DNM3: variants seen among roughly 807,000 people sequenced by gnomAD.
The protein encoded by DNM3 is dynamin 3, also known as dynamin-3.
Under a neutral mutation model 101.6 loss-of-function variants are expected in DNM3, and 47 were observed. The observed-to-expected ratio is 0.46, with a 90% CI of 0.37 to 0.59. DNM3 has a LOEUF of 0.59. Ranked by LOEUF, DNM3 falls within the 20% of genes least tolerant of loss-of-function variation. DNM3 has a pLI of 0.00. For synonymous variants in DNM3, 385 were observed against 387.9 expected (o/e 0.99, Z 0.09); for missense variants, 849 against 1,085.7 (o/e 0.78, Z 3.06).
chr1:171,887,108 A>T (rs963220467), intron 1 of DNM3, among the ~76,000 whole-genome samples: 24 of 152,202 alleles, frequency 1.6e-4, no homozygotes, highest in Admixed American at 2.0e-4. Context: ...GCTGTGGACA[A>T]AGAGCTTCCT....
intron 20 of DNM3, among the ~76,000 whole-genome samples, chr1:172,400,616 A>G (rs2070405714): frequency 6.6e-6 from 1 of 152,078 alleles, no homozygotes; most frequent in Non-Finnish European, 1.5e-5. Flanking sequence ...TCCTCCCCCA[A>G]GTTTATAATC....
intron 7 of DNM3, among the ~76,000 whole-genome samples, chr1:172,041,284 G>A (rs77194132): frequency 0.027 from 4,130 of 152,244 alleles, 86 homozygotes; most frequent in Middle Eastern, 0.085. Context: ...CAACTGTTGG[G>A]TGAGGGAAAG....
intron 2 of DNM3, among the ~76,000 whole-genome samples, chr1:171,952,514 C>A (rs762890397): frequency 3.9e-5 from 6 of 152,098 alleles, no homozygotes; most frequent in Non-Finnish European, 5.9e-5. Context: ...ACATGTCCAA[C>A]CTCCCTTTCC....
At chr1:172,144,469 A>G (rs752777517) in intron 14 of DNM3, 2 of 374,368 alleles carry the variant, frequency 5.3e-6, no homozygotes, top group Admixed American at 3.1e-5. Context: ...ATGAGATTCA[A>G]AAAAGGAGCA....
chr1:172,122,540 A>G (rs1316948285), intron 13 of DNM3, among the ~76,000 whole-genome samples: 2 of 152,146 alleles, frequency 1.3e-5, no homozygotes, highest in African/African-American at 2.4e-5. Flanking sequence ...CCTGGCAAAA[A>G]TATTTTTCCC....
At chr1:172,378,343 T>C (rs975199287) in intron 17 of DNM3, 1 of 152,066 alleles carries the variant, frequency 6.6e-6, no homozygotes, top group Non-Finnish European at 1.5e-5. Flanking sequence ...ATAAATTCTT[T>C]GTGTATAGAT....
At chr1:172,099,086 C>T (rs554108471) in intron 13 of DNM3, among the ~76,000 whole-genome samples, 1 of 152,230 alleles carries the variant, frequency 6.6e-6, no homozygotes, top group East Asian at 1.9e-4. Context: ...AGGGAGGCAG[C>T]ATGGAAGGTC....
At chr1:172,271,294 C>T (rs951340525) in intron 15 of DNM3, among the ~76,000 whole-genome samples, 1 of 151,994 alleles carries the variant, frequency 6.6e-6, no homozygotes, top group Admixed American at 6.6e-5. Flanking sequence ...TATCAGCACA[C>T]CACCAATTAT....
chr1:171,845,422 G>A (rs527369099), intron 1 of DNM3, among the ~76,000 whole-genome samples: 4 of 152,296 alleles, frequency 2.6e-5, no homozygotes, highest in African/African-American at 9.6e-5. Flanking sequence ...GTATGGTGGA[G>A]CATGCCTGTA....
intron 17 of DNM3, among the ~76,000 whole-genome samples, chr1:172,348,617 A>G (rs974659509): frequency 1.4e-4 from 22 of 152,246 alleles, no homozygotes; most frequent in Admixed American, 3.3e-4. Flanking sequence ...AAACCAAAAA[A>G]GTAATGGAAA....
chr1:172,330,243 T>C (rs1234886228), intron 17 of DNM3, among the ~76,000 whole-genome samples: 4 of 152,176 alleles, frequency 2.6e-5, no homozygotes, highest in South Asian at 2.1e-4. Flanking sequence ...ATATCCATCA[T>C]AGAAAATTGG....
At chr1:172,212,388 G>A (rs149076393) in intron 14 of DNM3, among the ~76,000 whole-genome samples, 1 of 152,248 alleles carries the variant, frequency 6.6e-6, no homozygotes, top group East Asian at 1.9e-4. Flanking sequence ...GAGTTTTGAA[G>A]TTCTGAAATA....
chr1:171,987,784 T>C lies in DNM3; in HGVS notation c.364T>C (p.Leu122=). Residue 122 remains leucine (L), a synonymous_variant, in exon 3 of 21, where the codon TTA becomes CTA. Transcript: ENST00000627582. ...AGGCATTTCCTCCATACCCATTAAT[T>C]TACGAGTCTATTCCCCACACGGTAA... ...NKGISSIPIN[L]RVYSPHVLNL... is the part of the protein sequence containing the mutation. 1 of 1,576,566 alleles carries C rather than the reference T, an allele frequency of 6.3e-7. No individual in the cohort carries two copies. Among genetic ancestry groups the C allele is most frequent in the Non-Finnish European group, 8.6e-7 (1 of 1,166,154 alleles).
At chr1:172,361,516 T>A (rs2149010179) in intron 17 of DNM3, among the ~76,000 whole-genome samples, 1 of 152,098 alleles carries the variant, frequency 6.6e-6, no homozygotes, top group South Asian at 2.1e-4. Context: ...TATATCTCTT[T>A]ACTGCAGGGT....
At chr1:172,061,088 C>T (rs1248892457) in intron 10 of DNM3, among the ~76,000 whole-genome samples, 1 of 144,406 alleles carries the variant, frequency 6.9e-6, no homozygotes, top group Non-Finnish European at 1.5e-5. Context: ...CCAAAAAACA[C>T]ATGAAAAAAT....
At chr1:172,028,944 G>C (rs1183413410) in intron 4 of DNM3, among the ~76,000 whole-genome samples, 1 of 152,000 alleles carries the variant, frequency 6.6e-6, no homozygotes, top group Non-Finnish European at 1.5e-5. Flanking sequence ...AAAAGCCCAG[G>C]ACCAGATAGA....
intron 17 of DNM3, among the ~76,000 whole-genome samples, chr1:172,342,025 A>T (rs941852531): frequency 1.6e-4 from 24 of 152,192 alleles, no homozygotes; most frequent in African/African-American, 5.8e-4. Flanking sequence ...TAATCATTAG[A>T]GAAGAGAAAT....
At position 171,993,259 on chromosome 1, in the gene DNM3, T is replaced by C. The variant is rs573266146; in HGVS notation, c.589+4111T>C. Among the ~76,000 whole-genome samples the C allele has an allele frequency of 4.6e-5, 7 of 152,232 alleles. No homozygotes were observed. The East Asian group carries it at 1.2e-3, about 25-fold the overall frequency. ...TTTTTTTCTGCCTGAAAGGCTCTCA[T>C]TAGTATTTCTTGTAGGCTATGTCTG... On this transcript the variant is annotated intron_variant, in intron 4 of 20. Transcript: ENST00000627582.
intron 2 of DNM3, among the ~76,000 whole-genome samples, chr1:171,949,124 A>C (rs1019374322): frequency 6.6e-6 from 1 of 152,130 alleles, no homozygotes; most frequent in South Asian, 2.1e-4. Context: ...AATATGGGAA[A>C]TTGTCGATTA....
Sources: gnomAD v4.1 joint callset for allele counts (sites outside exome capture counted in the v4.1 genomes callset) on GRCh38, gnomAD v4.1.1 for gene constraint, MANE v1.5 for transcripts, NCBI Gene and HGNC (gene_info 2026-07-23, HGNC 2026-07-21) for gene names.